The following USP25 variants were observed in gnomAD, a reference collection of about 807,000 sequenced individuals.
USP25 encodes ubiquitin carboxyl-terminal hydrolase 25.
Under a neutral mutation model 158.5 loss-of-function variants are expected in USP25, and 85 were observed. That is an observed-to-expected ratio of 0.54 (90% CI 0.45 to 0.64). The LOEUF (loss-of-function observed/expected upper bound fraction) is 0.64, where lower values mean the gene tolerates loss of function less well. Among genes scored for constraint, USP25 ranks in the 30% least tolerant of loss-of-function variants. The pLI, the probability that USP25 is intolerant of heterozygous loss-of-function variation, is 0.00. For missense variants in USP25, 1,242 were observed against 1,327.3 expected, an observed-to-expected ratio of 0.94 and a Z score of 1.00; for synonymous variants, 464 against 460.4, an observed-to-expected ratio of 1.01 and a Z score of -0.10.
In USP25 at chr21:15,826,540, G is replaced by A. The variant is rs898206426; in HGVS notation, c.1466+175G>A. ...CTCTGGGAGTTTTTTTATTATTTCA[G>A]TAGATTTTATGGTTATGGATTAAAA... is the stretch of plus-strand genomic sequence containing the variant. On this transcript the variant is annotated intron_variant, in intron 13 of 25. Coordinates refer to ENST00000400183, the MANE Select transcript of USP25 (RefSeq NM_001283041.3). This position sits in a 1 kb window ranked among gnomAD's most constrained non-coding sequence, Gnocchi z 4.8. Among the ~76,000 whole-genome samples the A allele has an allele frequency of 6.6e-6, 1 of 152,048 alleles. No homozygotes were observed. Among genetic ancestry groups the A allele is most frequent in the Non-Finnish European group, 1.5e-5 (1 of 68,010 alleles).
chr21:15,787,892 A>ACCC (rs2035370799), intron 4 of USP25, among the ~76,000 whole-genome samples: 3 of 125,784 alleles, frequency 2.4e-5, no homozygotes, highest in African/African-American at 3.4e-5. Context: ...TAAAATAATA[A>ACCC]CACCCCCTCA....
chr21:15,834,712 T>A (rs1348633639), intron 17 of USP25, among the ~76,000 whole-genome samples: 1 of 152,188 alleles, frequency 6.6e-6, no homozygotes, highest in Non-Finnish European at 1.5e-5. Context: ...TTGATTTTGA[T>A]CCTGAGAGGC....
chr21:15,806,830 C>G (rs991433870), intron 7 of USP25, among the ~76,000 whole-genome samples: 1 of 151,982 alleles, frequency 6.6e-6, no homozygotes, highest in Non-Finnish European at 1.5e-5. Context: ...TATCTTCTTC[C>G]TAAATATTTC....
At position 15,730,346 on chromosome 21, in the gene USP25, G is replaced by A. The variant is rs1045662165; in HGVS notation, c.-48G>A. 79 of 1,142,284 alleles carry A rather than the reference G, an allele frequency of 6.9e-5. No homozygotes were observed. Among genetic ancestry groups the A allele is most frequent in the Non-Finnish European group, 7.4e-5 (69 of 932,368 alleles). 70.8% of individuals were successfully genotyped at this position (1,142,284 alleles called of 1,614,324 possible). Reference sequence around the variant, plus strand: ...CGGCAGCCAGGGCCGGCGGAGGCGCGAGGAGCCGGGCGCCACCGCCGCCGC... The same window carrying A: ...CGGCAGCCAGGGCCGGCGGAGGCGCAAGGAGCCGGGCGCCACCGCCGCCGC... On this transcript the variant is annotated 5_prime_UTR_variant, in exon 1 of 26. Coordinates refer to ENST00000400183, the MANE Select transcript of USP25 (RefSeq NM_001283041.3).
intron 10 of USP25, 104 bp from the exon 11 acceptor site, chr21:15,823,935 G>T: frequency 1.7e-6 from 2 of 1,152,168 alleles, no homozygotes; most frequent in Non-Finnish European, 2.4e-6. Flanking sequence ...CCGCATTGTG[G>T]TGATACATAT....
intron 17 of USP25, among the ~76,000 whole-genome samples, chr21:15,834,578 A>G (rs2037969277): frequency 6.6e-6 from 1 of 152,178 alleles, no homozygotes; most frequent in Admixed American, 6.5e-5. Context: ...TGAACTTTAG[A>G]AGGAATTATT....
intron 4 of USP25, among the ~76,000 whole-genome samples, chr21:15,780,652 T>C (rs145351873): frequency 6.6e-6 from 1 of 152,342 alleles, no homozygotes; most frequent in African/African-American, 2.4e-5. Flanking sequence ...CAACTAGTTA[T>C]TTCTTGTTAT....
Position 15,766,672 on chromosome 21 carries a change from C to T in USP25, c.268+531C>T, listed in dbSNP as rs561061435. Among the ~76,000 whole-genome samples the T allele has an allele frequency of 1.3e-5, 2 of 152,060 alleles. No individual in the cohort carries two copies. Among genetic ancestry groups the T allele is most frequent in the African/African-American group, 2.4e-5 (1 of 41,512 alleles). ...AAAAAGTGTTTTGGAGATACAAATACGTACATGTGGAAGATTCTATGTGGG... is the reference window on the plus strand; with the variant it reads ...AAAAAGTGTTTTGGAGATACAAATATGTACATGTGGAAGATTCTATGTGGG... On this transcript the variant is annotated intron_variant, in intron 3 of 25. Transcript: ENST00000400183. This position sits in a 1 kb window ranked among gnomAD's most constrained non-coding sequence, Gnocchi z 4.0.
Position 15,766,673 on chromosome 21 carries a change from G to T in USP25, c.268+532G>T, listed in dbSNP as rs533723910. 4.7e-4 allele frequency among the ~76,000 whole-genome samples: 71 copies of T among 152,078 alleles called. No homozygotes were observed. In the South Asian group the frequency reaches 0.014, roughly 29 times the overall value. Reference sequence around the variant, plus strand: ...AAAAGTGTTTTGGAGATACAAATACGTACATGTGGAAGATTCTATGTGGGA... The same window carrying T: ...AAAAGTGTTTTGGAGATACAAATACTTACATGTGGAAGATTCTATGTGGGA... On this transcript the variant is annotated intron_variant, in intron 3 of 25. Transcript: ENST00000400183. This position sits in a 1 kb window ranked among gnomAD's most constrained non-coding sequence, Gnocchi z 4.0.
At chr21:15,871,708 C>T (rs532414032) in intron 23 of USP25, among the ~76,000 whole-genome samples, 30 of 152,198 alleles carry the variant, frequency 2.0e-4, no homozygotes, top group African/African-American at 7.0e-4. Context: ...TTAAATATTA[C>T]AATTTGCTTG....
chr21:15,848,430 A>AT (rs2146476536), intron 19 of USP25, among the ~76,000 whole-genome samples: 1 of 151,978 alleles, frequency 6.6e-6, no homozygotes, highest in Admixed American at 6.6e-5. Context: ...CTATCAGATG[A>AT]TTTTCTCCCC....
At chr21:15,740,654 T>G (rs1265807385) in intron 1 of USP25, among the ~76,000 whole-genome samples, 4 of 126,750 alleles carry the variant, frequency 3.2e-5, no homozygotes, top group African/African-American at 1.7e-4. Flanking sequence ...TTTTTTTTTT[T>G]TTTTTTTTTT....
At chr21:15,842,734 C>G (rs998018373) in intron 18 of USP25, among the ~76,000 whole-genome samples, 194 bp downstream of exon 18, 1 of 152,148 alleles carries the variant, frequency 6.6e-6, no homozygotes, top group South Asian at 2.1e-4. Flanking sequence ...TTTAAAGACA[C>G]TTTTCTCTTA....
At chr21:15,844,963 T>C (rs953675037) in intron 18 of USP25, among the ~76,000 whole-genome samples, 4 of 152,192 alleles carry the variant, frequency 2.6e-5, no homozygotes, top group African/African-American at 9.6e-5. Context: ...TATCTGCTAC[T>C]CAATCGTATA....
chr21:15,737,830 G>T (rs2031666514), intron 1 of USP25, among the ~76,000 whole-genome samples: 2 of 150,692 alleles, frequency 1.3e-5, no homozygotes, highest in South Asian at 4.2e-4. Context: ...TTGGATTTTG[G>T]ACTTTTTTTT....
intron 6 of USP25, among the ~76,000 whole-genome samples, chr21:15,803,827 T>C (rs76050554): frequency 0.014 from 2,148 of 152,018 alleles, 56 homozygotes; most frequent in African/African-American, 0.049. Context: ...TTTTATTCCC[T>C]CTTACCTATT....
rs375771421 is a variant in USP25 at position 15,870,153 on chromosome 21, G to T, written c.2885+6G>T. 2.1e-5 allele frequency: 33 copies of T among 1,597,056 alleles called. No homozygotes were observed. In the African/African-American group the frequency reaches 4.5e-4, roughly 22 times the overall value. ...GAAAATTTTCAAAGAGAAAGGTAAGGCAAAGTGGACAAATATGAAAAGAGC... is the reference window on the plus strand; with the variant it reads ...GAAAATTTTCAAAGAGAAAGGTAAGTCAAAGTGGACAAATATGAAAAGAGC... On this transcript the variant is annotated splice_donor_region_variant and intron_variant, in intron 23 of 25. Coordinates refer to ENST00000400183, the MANE Select transcript of USP25 (RefSeq NM_001283041.3).
chr21:15,872,927 TC>T (rs1331151717), intron 23 of USP25, among the ~76,000 whole-genome samples: 1 of 152,122 alleles, frequency 6.6e-6, no homozygotes, highest in Non-Finnish European at 1.5e-5. Context: ...AATATATTTT[TC>T]CATATTAATC....
intron 6 of USP25, among the ~76,000 whole-genome samples, chr21:15,801,190 T>G (rs762438452): frequency 6.6e-6 from 1 of 151,580 alleles, no homozygotes; most frequent in Non-Finnish European, 1.5e-5. Flanking sequence ...CCATTTATGG[T>G]CCTGGATTTT....
Sources: gnomAD v4.1 joint callset for allele counts (sites outside exome capture counted in the v4.1 genomes callset) on GRCh38, gnomAD v4.1.1 for gene constraint, Gnocchi (gnomAD v3.1) non-coding constraint, MANE v1.5 for transcripts, NCBI Gene and HGNC (gene_info 2026-07-23, HGNC 2026-07-21) for gene names.